The following PHKB variants were observed in gnomAD, a reference collection of about 807,000 sequenced individuals.
The protein encoded by PHKB is phosphorylase b kinase regulatory subunit beta.
In PHKB, 122 loss-of-function variants were observed where a neutral mutation model predicts 152.1. That is an observed-to-expected ratio of 0.80 (90% CI 0.69 to 0.93). PHKB has a LOEUF of 0.93. Among genes scored for constraint, PHKB ranks in the 40% least tolerant of loss-of-function variants. The probability of loss-of-function intolerance (pLI) is 0.00; values close to 1 mark genes in which losing one functional copy is unlikely to be tolerated. For synonymous variants in PHKB, 436 were observed against 464.9 expected (o/e 0.94, Z 0.80); for missense variants, 1,304 against 1,328.4 (o/e 0.98, Z 0.29).
intron 27 of PHKB, among the ~76,000 whole-genome samples, chr16:47,691,103 T>C (rs1013051808): frequency 6.6e-6 from 1 of 152,048 alleles, no homozygotes; most frequent in African/African-American, 2.4e-5. Flanking sequence ...CTAGATACTC[T>C]TGCCAAAAAT....
At chr16:47,642,034 T>G (rs1973032838) in intron 16 of PHKB, among the ~76,000 whole-genome samples, 1 of 152,168 alleles carries the variant, frequency 6.6e-6, no homozygotes, top group Non-Finnish European at 1.5e-5. Context: ...TATATTTTGA[T>G]TTGATTTTTT....
intron 5 of PHKB, among the ~76,000 whole-genome samples, chr16:47,514,330 G>T (rs969314174): frequency 5.3e-5 from 8 of 152,182 alleles, no homozygotes; most frequent in African/African-American, 9.7e-5. Context: ...TGCCACTAAT[G>T]TGGCTTAGTC....
At chr16:47,698,780 G>A (rs1974199331) in intron 30 of PHKB, among the ~76,000 whole-genome samples, 192 bp downstream of exon 30, 1 of 151,994 alleles carries the variant, frequency 6.6e-6, no homozygotes, top group Non-Finnish European at 1.5e-5. Flanking sequence ...AGTCAGTTCA[G>A]CTGTGAAGTT....
Position 47,596,408 on chromosome 16 carries a change from G to C in PHKB, c.1240G>C (p.Ala414Pro), listed in dbSNP as rs781005251. The change falls in exon 13 of 31, where the codon GCT becomes CCT. Residue 414 changes from alanine to proline, a missense_variant. Physicochemically the swap from Ala to Pro is conservative, Grantham distance 27. Coordinates refer to ENST00000323584, the MANE Select transcript of PHKB (RefSeq NM_000293.3). ...PVVPKYYYVPADFVEYEKNNP... is the reference protein window; with the variant it reads ...PVVPKYYYVPPDFVEYEKNNP... ...TGTACCAAAGTACTATTATGTGCCA[G>C]CTGACTTTGTAGAATATGAAAAAAA... The C allele has an allele frequency of 6.2e-7, 1 of 1,610,496 alleles. No individual in the cohort carries two copies. The highest frequency in any genetic ancestry group is 1.1e-5 in the South Asian group (1 of 91,020).
chr16:47,511,417 A>T (rs989675778), intron 4 of PHKB, among the ~76,000 whole-genome samples: 1 of 152,228 alleles, frequency 6.6e-6, no homozygotes, highest in Non-Finnish European at 1.5e-5. Context: ...CTACTACATT[A>T]ACCTGCTCCA....
chr16:47,580,418 C>A, intron 8 of PHKB, 60 bp downstream of exon 8: 1 of 1,207,240 alleles, frequency 8.3e-7, no homozygotes, highest in Non-Finnish European at 1.2e-6. Flanking sequence ...ATTAATTTGG[C>A]TATTCATTAA....
intron 8 of PHKB, among the ~76,000 whole-genome samples, chr16:47,581,627 G>A (rs1971847700): frequency 6.6e-6 from 1 of 152,186 alleles, no homozygotes; most frequent in Non-Finnish European, 1.5e-5. Context: ...TTAGCATAGT[G>A]CTTTGCAGAG....
intron 7 of PHKB, among the ~76,000 whole-genome samples, chr16:47,578,306 C>T (rs565820136): frequency 6.6e-6 from 1 of 152,246 alleles, no homozygotes; most frequent in South Asian, 2.1e-4. Context: ...TTCTTCTCAA[C>T]GTTAGCATCC....
intron 6 of PHKB, among the ~76,000 whole-genome samples, chr16:47,527,875 G>A (rs1447485440): frequency 6.6e-6 from 1 of 152,174 alleles, no homozygotes. Context: ...AGCAGCAGGA[G>A]GATGGCCTTC....
chr16:47,700,676 A>C lies in PHKB; in HGVS notation c.*1310A>C, dbSNP rs1974233403. The C allele has an allele frequency of 6.6e-6, 1 of 152,144 alleles. No homozygotes were observed. Among genetic ancestry groups the C allele is most frequent in the Non-Finnish European group, 1.5e-5 (1 of 68,026 alleles). 9.4% of individuals were successfully genotyped at this position (152,144 alleles called of 1,614,324 possible). ...ATTTCTTTCCTAAATAGAAAAAAAA[A>C]AGGCCCATGAGTTTGAGCCCTTGCC... On this transcript the variant is annotated 3_prime_UTR_variant, in exon 31 of 31. Transcript: ENST00000323584.
intron 7 of PHKB, 22 bp from the exon 8 acceptor site, chr16:47,580,273 A>G (rs1244302849): frequency 6.3e-7 from 1 of 1,592,386 alleles, no homozygotes; most frequent in Non-Finnish European, 8.6e-7. Context: ...AGAGTAATAA[A>G]GCATTTCCTT....
At chr16:47,656,697 C>A (rs1973345474) in intron 20 of PHKB, among the ~76,000 whole-genome samples, 2 of 152,142 alleles carry the variant, frequency 1.3e-5, no homozygotes, top group South Asian at 4.1e-4. Context: ...CCCCCACACT[C>A]CAGCCTCCAT....
intron 16 of PHKB, among the ~76,000 whole-genome samples, chr16:47,645,277 A>C (rs1178601148): frequency 1.4e-5 from 2 of 139,796 alleles, no homozygotes; most frequent in Admixed American, 7.4e-5. Context: ...TTTGGACATG[A>C]AGTCCTTGCC....
At chr16:47,574,261 G>A (rs1393518735) in intron 7 of PHKB, among the ~76,000 whole-genome samples, 3 of 152,166 alleles carry the variant, frequency 2.0e-5, no homozygotes, top group Non-Finnish European at 4.4e-5. Context: ...TGCTTGGTAG[G>A]GTTGAGACAT....
intron 7 of PHKB, among the ~76,000 whole-genome samples, chr16:47,569,212 C>T (rs549332648): frequency 2.6e-5 from 4 of 152,298 alleles, no homozygotes; most frequent in Admixed American, 1.3e-4. Context: ...GTGTTAGCTG[C>T]ATATGTATTT....
chr16:47,628,313 A>T (rs1051418895), intron 14 of PHKB, among the ~76,000 whole-genome samples: 1 of 152,260 alleles, frequency 6.6e-6, no homozygotes, highest in Admixed American at 6.5e-5. Flanking sequence ...CGGGTGGATC[A>T]TGAGGTCAGG....
intron 14 of PHKB, among the ~76,000 whole-genome samples, chr16:47,613,426 T>C (rs1301475337): frequency 6.6e-6 from 1 of 152,170 alleles, no homozygotes; most frequent in African/African-American, 2.4e-5. Context: ...AGGTCGGTTA[T>C]GTAGGCATGC....
chr16:47,641,362 T>A (rs951998691), intron 15 of PHKB, among the ~76,000 whole-genome samples: 1 of 152,174 alleles, frequency 6.6e-6, no homozygotes, highest in African/African-American at 2.4e-5. Flanking sequence ...TGCAAACACA[T>A]GGGGATTACC....
At chr16:47,506,854 T>G (rs941021387) in intron 4 of PHKB, among the ~76,000 whole-genome samples, 2 of 152,198 alleles carry the variant, frequency 1.3e-5, no homozygotes, top group Non-Finnish European at 2.9e-5. Context: ...CTCATAATGT[T>G]TTAAGAAAGT....
Sources: allele counts gnomAD v4.1 joint callset (sites outside exome capture counted in the v4.1 genomes callset), GRCh38; gene constraint gnomAD v4.1.1; transcripts MANE v1.5; gene names NCBI Gene and HGNC (gene_info 2026-07-23, HGNC 2026-07-21).